Variants in CAPN2 observed in about 807,000 individuals in gnomAD.
CAPN2 encodes calpain 2.
Under a neutral mutation model 102.3 loss-of-function variants are expected in CAPN2, and 92 were observed. The ratio of observed to expected loss-of-function variants is 0.90; its 90% CI spans 0.76 to 1.07. CAPN2 has a LOEUF of 1.07. CAPN2 is among the 50% of genes least tolerant of loss of function. CAPN2 has a pLI of 0.00. For synonymous variants in CAPN2, 340 were observed against 355.4 expected (o/e 0.96, Z 0.49); for missense variants, 800 against 909.4 (o/e 0.88, Z 1.55).
chr1:223,750,029 A>C (rs1017900951), intron 6 of CAPN2, among the ~76,000 whole-genome samples: 1 of 152,134 alleles, frequency 6.6e-6, no homozygotes, highest in Non-Finnish European at 1.5e-5. Flanking sequence ...ATTATCAAGC[A>C]ACTCAAGTTC....
intron 1 of CAPN2, among the ~76,000 whole-genome samples, chr1:223,713,492 CACCCGGGAAACCT>C (rs536339430): frequency 0.11 from 16,661 of 152,144 alleles, 1,561 homozygotes; most frequent in African/African-American, 0.23. Flanking sequence ...TGGCGGGAAT[CACCCGGGAAACCT>C]CCGGGAGCCC....
rs1457527831 is a variant in CAPN2, at chr1:223,734,176, AC to A, written c.308-9921del. ...GGAGGCTCCACAGTCCCGGCTGGAG[AC>A]CCGGTCAGGCCTGGGTGGCCACTCT... On this transcript the variant is annotated intron_variant, in intron 2 of 20. Coordinates refer to ENST00000295006, the MANE Select transcript of CAPN2 (RefSeq NM_001748.5). Among the ~76,000 whole-genome samples, 5 of 152,130 alleles carry A rather than the reference AC, an allele frequency of 3.3e-5. No individual in the cohort carries two copies. In the East Asian group the frequency reaches 9.7e-4, roughly 29 times the overall value.
At position 223,772,212 on chromosome 1, in the gene CAPN2, T is replaced by A. The variant is rs1209770806; in HGVS notation, c.2052T>A (p.Thr684=). Residue 684 remains threonine, a synonymous_variant, in exon 20 of 21, where the codon ACT becomes ACA. Transcript: ENST00000295006. Reference sequence around the variant, plus strand: ...TTAAGCAGCTGGATCCCGAGAATACTGGAACAATAGAGCTCGACCTTATCT... The same window carrying A: ...TTAAGCAGCTGGATCCCGAGAATACAGGAACAATAGAGCTCGACCTTATCT... ...KIFKQLDPEN[T]GTIELDLISW... 3 of 1,614,186 alleles carry A rather than the reference T, an allele frequency of 1.9e-6. No individual in the cohort carries two copies. The highest frequency in any genetic ancestry group is 2.5e-6 in the Non-Finnish European group (3 of 1,180,014).
intron 20 of CAPN2, chr1:223,773,074 T>C (rs559337894): frequency 2.0e-5 from 3 of 152,280 alleles, no homozygotes; most frequent in Non-Finnish European, 4.4e-5. Context: ...CTCTTTTCCA[T>C]GGATTTTGAA....
At chr1:223,705,349 T>C (rs1030884806) in intron 1 of CAPN2, among the ~76,000 whole-genome samples, 11 of 152,282 alleles carry the variant, frequency 7.2e-5, no homozygotes, top group Admixed American at 6.5e-5. Context: ...CAGAGATGTG[T>C]TGGGGAAATG....
upstream of CAPN2, among the ~76,000 whole-genome samples, chr1:223,708,794 GAGAA>G (rs1252724140): frequency 6.7e-6 from 1 of 148,698 alleles, no homozygotes; most frequent in African/African-American, 2.5e-5. Context: ...GAGAGAGAGA[GAGAA>G]AGAGAGAAGG....
At chr1:223,742,523 T>A (rs918514226) in intron 2 of CAPN2, among the ~76,000 whole-genome samples, 99 of 101,324 alleles carry the variant, frequency 9.8e-4, no homozygotes, top group African/African-American at 5.3e-3. Context: ...TATATATTTT[T>A]TTTTTTTTTT....
Position 223,749,128 on chromosome 1 carries a change from G to A in CAPN2, c.813+6G>A, listed in dbSNP as rs757037832. The A allele has an allele frequency of 5.6e-6, 9 of 1,613,498 alleles. No homozygotes were observed. Among genetic ancestry groups the A allele is most frequent in the South Asian group, 1.1e-5 (1 of 91,056 alleles). On this transcript the variant is annotated splice_donor_region_variant and intron_variant, in intron 6 of 20. Coordinates refer to ENST00000295006, the MANE Select transcript of CAPN2 (RefSeq NM_001748.5). ...CGGTCACCGGAGCCGAGGAGGTAACGGCCGGCGCGGATGTGCAGGGGTCCT... is the reference window on the plus strand; with the variant it reads ...CGGTCACCGGAGCCGAGGAGGTAACAGCCGGCGCGGATGTGCAGGGGTCCT...
chr1:223,770,246 G>A (rs1234304872), intron 17 of CAPN2: 6 of 596,816 alleles, frequency 1.0e-5, no homozygotes, highest in Admixed American at 6.1e-5. Flanking sequence ...TGGCTGATTT[G>A]ATGGGCATAT....
At position 223,752,828 on chromosome 1, in the gene CAPN2, C is replaced by T. The variant is rs769605419; in HGVS notation, c.1007C>T (p.Ser336Phe). 1 of 1,614,156 alleles carries T rather than the reference C, an allele frequency of 6.2e-7. No individual in the cohort carries two copies. The highest frequency in any genetic ancestry group is 8.5e-7 in the Non-Finnish European group (1 of 1,180,016). Residue 336 changes from serine (S) to phenylalanine (F), a missense_variant, in exon 9 of 21, where the codon TCC (serine) becomes TTC (phenylalanine). Physicochemically the swap from Ser to Phe is radical, Grantham distance 155. Coordinates refer to ENST00000295006, the MANE Select transcript of CAPN2 (RefSeq NM_001748.5). The stretch of plus-strand genomic sequence containing the variant: ...TTCAGTGACTTCCTGAGGCACTATT[C>T]CCGCCTGGAGATCTGTAACCTGACC... ...MSFSDFLRHY[S>F]RLEICNLTPD...
In CAPN2 at chr1:223,762,228, C is replaced by G; in HGVS notation, c.1609C>G (p.Leu537Val). Residue 537 changes from leucine to valine, a missense_variant, in exon 14 of 21, where the codon CTG becomes GTG. Coordinates refer to ENST00000295006, the MANE Select transcript of CAPN2 (RefSeq NM_001748.5). ...EDDIDDGFRR[L>V]FAQLAGEDAE... ...TGACATTGATGATGGATTCAGGAGA[C>G]TGTTTGCCCAGTTGGCAGGAGAGGT... The G allele has an allele frequency of 1.2e-6, 2 of 1,613,968 alleles. No homozygotes were observed. Among genetic ancestry groups the G allele is most frequent in the Non-Finnish European group, 1.7e-6 (2 of 1,179,860 alleles).
intron 5 of CAPN2, 83 bp from the exon 6 acceptor site, chr1:223,748,956 C>T: frequency 1.5e-6 from 2 of 1,323,426 alleles, no homozygotes; most frequent in Non-Finnish European, 1.1e-6. Context: ...GCGGTCCCGC[C>T]CGGCAGTAGG....
chr1:223,771,941 G>T lies in CAPN2; in HGVS notation c.2020+16G>T. On this transcript the variant is annotated intron_variant, in intron 19 of 20. Transcript: ENST00000295006. The stretch of plus-strand genomic sequence containing the variant: ...ACGCTATTCAGTAAGTGGATATTTG[G>T]GGAATGACTCATTTCAGTTCTCTTG... The T allele has an allele frequency of 3.9e-6, 6 of 1,542,632 alleles. No homozygotes were observed. The highest frequency in any genetic ancestry group is 1.1e-5 in the South Asian group (1 of 89,580).
chr1:223,751,115 C>A (rs1300051184), intron 7 of CAPN2, 140 bp downstream of exon 7: 4 of 764,178 alleles, frequency 5.2e-6, no homozygotes, highest in Non-Finnish European at 6.6e-6. Context: ...GACAGGGACC[C>A]GTGGACAGGG....
chr1:223,713,628 C>G (rs572207283), intron 1 of CAPN2, among the ~76,000 whole-genome samples: 1 of 152,290 alleles, frequency 6.6e-6, no homozygotes, highest in East Asian at 1.9e-4. Context: ...TGAGGCTCCT[C>G]CTCCTTTGGG....
At chr1:223,757,555 T>G (rs1661068318) in intron 11 of CAPN2, 175 bp downstream of exon 11, 1 of 664,066 alleles carries the variant, frequency 1.5e-6, no homozygotes, top group Non-Finnish European at 2.6e-6. Flanking sequence ...CCCACTGGTC[T>G]AAGCTCTGGG....
rs1661489379 is a variant in CAPN2, at chr1:223,772,001, T to C, written c.2020+76T>C. 5 of 1,148,722 alleles carry C rather than the reference T, an allele frequency of 4.4e-6. No homozygotes were observed. The Admixed American group carries it at 6.8e-5, about 16-fold the overall frequency. 71.2% of individuals were successfully genotyped at this position (1,148,722 alleles called of 1,614,324 possible). ...TGGCCTGCCTTTCACCTCGGTGAAA[T>C]CATCTAAACTAGAGACATGTCTTCC... On this transcript the variant is annotated intron_variant, in intron 19 of 20. Transcript: ENST00000295006.
At position 223,759,853 on chromosome 1, in the gene CAPN2, C is replaced by T. The variant is rs1277244304; in HGVS notation, c.1529+372C>T. Among the ~76,000 whole-genome samples the T allele has an allele frequency of 6.6e-6, 1 of 152,182 alleles. No homozygotes were observed. The highest frequency in any genetic ancestry group is 2.4e-5 in the African/African-American group (1 of 41,450). ...CTGGTGTAATCCTTGATTTTCCAGGCCACCTGGCCTAGCAGAGCCACCAAG... is the reference window on the plus strand; with the variant it reads ...CTGGTGTAATCCTTGATTTTCCAGGTCACCTGGCCTAGCAGAGCCACCAAG... On this transcript the variant is annotated intron_variant, in intron 12 of 20. Transcript: ENST00000295006. This position sits in a 1 kb window ranked among gnomAD's most constrained non-coding sequence, Gnocchi z 4.6.
Position 223,755,630 on chromosome 1 carries a change from T to C in CAPN2, c.1286T>C (p.Ile429Thr), listed in dbSNP as rs766681966. ...AAGATGGGCGAGGACATGCACACCA[T>C]CGGCTTTGGCATCTATGAGGTGCAG... is the stretch of plus-strand genomic sequence containing the variant. ...QRKMGEDMHT[I>T]GFGIYEVPEE... The change falls in exon 10 of 21, where the codon ATC becomes ACC. Residue 429 changes from isoleucine to threonine, a missense_variant. Transcript: ENST00000295006. The surrounding 1 kb of genome is among the most constrained non-coding windows in gnomAD (Gnocchi z 4.1). 1.6e-5 allele frequency: 25 copies of C among 1,602,008 alleles called. No homozygotes were observed. In the East Asian group the frequency reaches 4.7e-4, roughly 30 times the overall value.
Sources: gnomAD v4.1 joint callset for allele counts (sites outside exome capture counted in the v4.1 genomes callset) on GRCh38, gnomAD v4.1.1 for gene constraint, Gnocchi (gnomAD v3.1) non-coding constraint, MANE v1.5 for transcripts, NCBI Gene and HGNC (gene_info 2026-07-23, HGNC 2026-07-21) for gene names.